The following MALRD1 variants were observed in gnomAD, a reference collection of about 807,000 sequenced individuals.
The protein encoded by MALRD1 is MAM and LDL receptor class A domain containing 1.
Under a neutral mutation model 242.1 loss-of-function variants are expected in MALRD1, and 247 were observed. The ratio of observed to expected loss-of-function variants is 1.02; its 90% CI spans 0.92 to 1.13. MALRD1 has a LOEUF of 1.13. Ranked by LOEUF, MALRD1 falls within the 50% of genes most tolerant of loss-of-function variation. The pLI, the probability that MALRD1 is intolerant of heterozygous loss-of-function variation, is 0.00. For missense variants in MALRD1, 2,989 were observed against 2,533.1 expected (o/e 1.18, Z -3.86); for synonymous variants, 995 against 866.6 (o/e 1.15, Z -2.60).
intron 18 of MALRD1, among the ~76,000 whole-genome samples, chr10:19,214,181 A>G (rs1837199288): frequency 1.3e-5 from 2 of 152,146 alleles, no homozygotes; most frequent in African/African-American, 4.8e-5. Flanking sequence ...CTGAGAGCTC[A>G]TGTCAACATG....
At chr10:19,266,798 T>C (rs7084224) in intron 19 of MALRD1, among the ~76,000 whole-genome samples, 1,745 of 152,128 alleles carry the variant, frequency 0.011, 33 homozygotes, top group African/African-American at 0.04. Context: ...TCTACAGTTC[T>C]TTGCATAGCT....
intron 12 of MALRD1, among the ~76,000 whole-genome samples, chr10:19,159,023 T>G (rs1834283934): frequency 6.6e-6 from 1 of 152,222 alleles, no homozygotes; most frequent in Non-Finnish European, 1.5e-5. Flanking sequence ...GAAGCAACAG[T>G]CTACAGAGGA....
chr10:19,333,251 A>G (rs750893523), intron 24 of MALRD1, among the ~76,000 whole-genome samples: 9 of 152,136 alleles, frequency 5.9e-5, no homozygotes, highest in Non-Finnish European at 1.3e-4. Context: ...TGTCAGCCAG[A>G]TAGTGAGCAT....
intron 24 of MALRD1, among the ~76,000 whole-genome samples, chr10:19,342,207 C>T (rs1011734810): frequency 2.6e-5 from 4 of 152,082 alleles, no homozygotes; most frequent in Non-Finnish European, 5.9e-5. Context: ...GTGTACACTG[C>T]CTCTGGGCTA....
chr10:19,385,312 A>G (rs567344190), intron 26 of MALRD1, among the ~76,000 whole-genome samples: 1 of 152,196 alleles, frequency 6.6e-6, no homozygotes, highest in African/African-American at 2.4e-5. Flanking sequence ...GAGTTTGAGA[A>G]GGATTAATGG....
intron 28 of MALRD1, among the ~76,000 whole-genome samples, chr10:19,392,449 A>C (rs1000065315): frequency 1.3e-5 from 2 of 152,212 alleles, no homozygotes; most frequent in Non-Finnish European, 2.9e-5. Context: ...TTAGAAAAAA[A>C]CAAAATGAAT....
chr10:19,166,213 T>C (rs1413581567), intron 13 of MALRD1, among the ~76,000 whole-genome samples: 1 of 152,196 alleles, frequency 6.6e-6, no homozygotes, highest in Non-Finnish European at 1.5e-5. Flanking sequence ...AAGTCTGACG[T>C]GGGCTGTAAT....
intron 36 of MALRD1, among the ~76,000 whole-genome samples, chr10:19,657,432 CA>C (rs1490897288): frequency 6.6e-6 from 1 of 152,132 alleles, no homozygotes; most frequent in Non-Finnish European, 1.5e-5. Flanking sequence ...GGGTCCACAT[CA>C]GGGGCATCTG....
intron 36 of MALRD1, among the ~76,000 whole-genome samples, chr10:19,626,585 A>G: frequency 6.6e-6 from 1 of 152,142 alleles, no homozygotes; most frequent in East Asian, 1.9e-4. Context: ...AAACTAGATA[A>G]TTGGAAAAGG....
intron 35 of MALRD1, among the ~76,000 whole-genome samples, chr10:19,615,104 C>T (rs1373804867): frequency 6.6e-6 from 1 of 152,004 alleles, no homozygotes; most frequent in Non-Finnish European, 1.5e-5. Context: ...GTTCTCAACA[C>T]AAAGAAATGA....
chr10:19,571,573 C>T (rs1381069873), intron 33 of MALRD1, among the ~76,000 whole-genome samples: 1 of 152,048 alleles, frequency 6.6e-6, no homozygotes, highest in Admixed American at 6.6e-5. Context: ...GGCTAAAAAT[C>T]TACAGAATAT....
At chr10:19,283,715 A>G (rs1253473988) in intron 21 of MALRD1, among the ~76,000 whole-genome samples, 1 of 152,236 alleles carries the variant, frequency 6.6e-6, no homozygotes, top group African/African-American at 2.4e-5. Context: ...GCCATTAAAT[A>G]TTCATCATTA....
chr10:19,729,721 CTTTTTTTTTTTTTTTTTTTT>C (rs35279728), intron 38 of MALRD1, among the ~76,000 whole-genome samples: 3 of 40,642 alleles, frequency 7.4e-5, no homozygotes, highest in Non-Finnish European at 1.2e-4. Flanking sequence ...TCTATTAATT[CTTTTTTTTTTTTTTTTTTTT>C]TTTTTTTTTT....
At chr10:19,619,276 G>T (rs192262954) in intron 36 of MALRD1, among the ~76,000 whole-genome samples, 23 of 152,084 alleles carry the variant, frequency 1.5e-4, no homozygotes, top group Admixed American at 1.4e-3. Flanking sequence ...CTGGGAAGCC[G>T]ATTCCAGCCC....
intron 36 of MALRD1, among the ~76,000 whole-genome samples, chr10:19,624,909 C>T (rs1839578197): frequency 7.0e-6 from 1 of 142,998 alleles, no homozygotes; most frequent in South Asian, 2.3e-4. Context: ...AGATCGGGAA[C>T]ATTTAGATGA....
chr10:19,135,391 G>C (rs1244380336), intron 9 of MALRD1, among the ~76,000 whole-genome samples: 1 of 152,166 alleles, frequency 6.6e-6, no homozygotes, highest in Non-Finnish European at 1.5e-5. Context: ...CTGACCTCAA[G>C]TGATCCACCT....
intron 21 of MALRD1, among the ~76,000 whole-genome samples, chr10:19,306,408 C>T (rs986809691): frequency 7.7e-5 from 7 of 90,854 alleles, no homozygotes; most frequent in Non-Finnish European, 1.2e-4. Context: ...GTATATGTAC[C>T]GTGTATAGTA....
chr10:19,070,977 G>C (rs1052346944), intron 2 of MALRD1, among the ~76,000 whole-genome samples: 3 of 150,142 alleles, frequency 2.0e-5, no homozygotes, highest in African/African-American at 7.3e-5. Flanking sequence ...TCAGTCTCCT[G>C]AGTAGCTGGG....
chr10:19,601,705 T>C (rs1838350629), intron 34 of MALRD1, among the ~76,000 whole-genome samples: 1 of 152,026 alleles, frequency 6.6e-6, no homozygotes, highest in African/African-American at 2.4e-5. Context: ...AAATTAGAGC[T>C]CTTTATTGAA....
Sources: gnomAD v4.1 joint callset for allele counts (sites outside exome capture counted in the v4.1 genomes callset) on GRCh38, gnomAD v4.1.1 for gene constraint, MANE v1.5 for transcripts, NCBI Gene and HGNC (gene_info 2026-07-23, HGNC 2026-07-21) for gene names.